RNF185: variants seen among roughly 807,000 people sequenced by gnomAD.
The protein encoded by RNF185 is ring finger protein 185.
A neutral mutation model predicts 24.9 loss-of-function variants in RNF185; 13 were observed. That is an observed-to-expected ratio of 0.52 (90% CI 0.34 to 0.83). RNF185 has a LOEUF of 0.83. RNF185 is among the 40% of genes least tolerant of loss of function. The probability of loss-of-function intolerance (pLI) is 0.01; values close to 1 mark genes in which losing one functional copy is unlikely to be tolerated. For missense variants in RNF185, 184 were observed against 244.7 expected (o/e 0.75, Z 1.65); for synonymous variants, 79 against 90.3 (o/e 0.88, Z 0.71).
intron 3 of RNF185, among the ~76,000 whole-genome samples, chr22:31,193,637 T>G (rs1345230669): frequency 1.3e-5 from 2 of 151,462 alleles, no homozygotes; most frequent in Non-Finnish European, 2.9e-5. Context: ...CTACAAAAAA[T>G]ATAAAAATTA....
chr22:31,193,166 C>T (rs1222624761), intron 3 of RNF185, among the ~76,000 whole-genome samples: 2 of 152,168 alleles, frequency 1.3e-5, no homozygotes, highest in African/African-American at 4.8e-5. Flanking sequence ...GCCTGGCATT[C>T]ACAAGTGGCT....
Position 31,189,135 on chromosome 22 carries a change from A to ATATGTGTGTGTGTGTGTGTGTGTGTGTG in RNF185, c.176+1866_176+1867insATGTGTGTGTGTGTGTGTGTGTGTGTGT, listed in dbSNP as rs368967009. Among the ~76,000 whole-genome samples, 16 of 136,870 alleles carry ATATGTGTGTGTGTGTGTGTGTGTGTGTG rather than the reference A, an allele frequency of 1.2e-4. 1 individual carries two copies. Among genetic ancestry groups the ATATGTGTGTGTGTGTGTGTGTGTGTGTG allele is most frequent in the Admixed American group, 8.2e-4 (11 of 13,378 alleles). 89.8% of individuals were successfully genotyped at this position (136,870 alleles called of 152,430 possible). On this transcript the variant is annotated intron_variant, in intron 2 of 6. Transcript: ENST00000326132. ...AGCAAGACTCTGTCTCAAAAAAAAAATGTGTGTGTGTGTGTGTGTGTGTGT... is the reference window on the plus strand; with the variant it reads ...AGCAAGACTCTGTCTCAAAAAAAAAATATGTGTGTGTGTGTGTGTGTGTGTGTGTGTGTGTGTGTGTGTGTGTGTGTGT...
intron 6 of RNF185, among the ~76,000 whole-genome samples, chr22:31,202,816 G>A (rs140411126): frequency 0.01 from 1,526 of 152,118 alleles, 87 homozygotes; most frequent in Admixed American, 0.089. Context: ...GGGTTTCACT[G>A]TGTTAGCCAG....
Position 31,206,686 on chromosome 22 carries a change from G to T in RNF185, c.*2100G>T, listed in dbSNP as rs562793317. 2 of 152,258 alleles carry T rather than the reference G, an allele frequency of 1.3e-5. No individual in the cohort carries two copies. Among genetic ancestry groups the T allele is most frequent in the East Asian group, 3.9e-4 (2 of 5,192 alleles). The allele number at this position is 152,258 out of a possible 1,614,324, so 9.4% of individuals were successfully genotyped here. A position where few individuals can be genotyped will look rare whatever the true frequency, so the allele number is the denominator to read the frequency against. Reference sequence around the variant, plus strand: ...CAAATGCCATTTGATTTTGAACCTCGTAGGTCCCCACTCACCCTCTGCCAG... The same window carrying T: ...CAAATGCCATTTGATTTTGAACCTCTTAGGTCCCCACTCACCCTCTGCCAG... On this transcript the variant is annotated 3_prime_UTR_variant, in exon 7 of 7. Transcript: ENST00000326132.
chr22:31,163,383 A>G (rs982433470), intron 1 of RNF185, among the ~76,000 whole-genome samples: 3 of 151,696 alleles, frequency 2.0e-5, no homozygotes, highest in Non-Finnish European at 2.9e-5. Flanking sequence ...GCTGGAGTGC[A>G]GTGGCACGAA....
chr22:31,192,792 A>G lies in RNF185; in HGVS notation c.195+90A>G, dbSNP rs374241389. On this transcript the variant is annotated intron_variant, in intron 3 of 6. Coordinates refer to ENST00000326132, the MANE Select transcript of RNF185 (RefSeq NM_152267.4). ...CAGGAGACTGCTTTCAGAAGCTGCA[A>G]TCTGCCCTGCTTGTGGGCTCATTTG... is the stretch of plus-strand genomic sequence containing the variant. 227 of 1,226,682 alleles carry G rather than the reference A, an allele frequency of 1.9e-4. No homozygotes were observed. The African/African-American group carries it at 2.2e-3, about 12-fold the overall frequency. The allele number at this position is 1,226,682 out of a possible 1,614,324, so 76.0% of individuals were successfully genotyped here.
chr22:31,172,678 A>C (rs1037397759), intron 1 of RNF185, among the ~76,000 whole-genome samples: 2 of 147,678 alleles, frequency 1.4e-5, no homozygotes, highest in Admixed American at 1.4e-4. Flanking sequence ...GAACCCAGGA[A>C]GCAGAGGTTG....
At chr22:31,195,940 G>A (rs1170564839) in intron 4 of RNF185, among the ~76,000 whole-genome samples, 5 of 152,170 alleles carry the variant, frequency 3.3e-5, no homozygotes, top group Non-Finnish European at 7.4e-5. Context: ...GTGACTTTGT[G>A]GAGTTTGGGA....
At chr22:31,200,419 C>A (rs765882688) in intron 5 of RNF185, among the ~76,000 whole-genome samples, 6 of 152,170 alleles carry the variant, frequency 3.9e-5, no homozygotes, top group Non-Finnish European at 7.3e-5. Flanking sequence ...AGTTTTAGAT[C>A]TAAACTGTAC....
At chr22:31,172,017 G>C (rs1016072565) in intron 1 of RNF185, among the ~76,000 whole-genome samples, 1 of 151,994 alleles carries the variant, frequency 6.6e-6, no homozygotes, top group African/African-American at 2.4e-5. Context: ...AGTATATACC[G>C]GGTATTAAAA....
At chr22:31,169,934 G>A (rs1308086715) in intron 1 of RNF185, among the ~76,000 whole-genome samples, 3 of 152,272 alleles carry the variant, frequency 2.0e-5, no homozygotes, top group East Asian at 1.9e-4. Flanking sequence ...CAAAGCTCCC[G>A]AGTGTTGGAT....
intron 4 of RNF185, 137 bp from the exon 5 acceptor site, chr22:31,196,799 T>G: frequency 2.7e-6 from 3 of 1,125,290 alleles, no homozygotes; most frequent in Non-Finnish European, 3.7e-6. Context: ...ATTTGGAGAA[T>G]TAATCTGGCA....
intron 3 of RNF185, among the ~76,000 whole-genome samples, chr22:31,193,949 A>G (rs965590357): frequency 6.7e-6 from 1 of 150,324 alleles, no homozygotes; most frequent in Non-Finnish European, 1.5e-5. Flanking sequence ...CTAGAGTGCA[A>G]TGGTGAGATC....
chr22:31,184,137 A>G (rs1211416251), intron 1 of RNF185, among the ~76,000 whole-genome samples: 1 of 151,240 alleles, frequency 6.6e-6, no homozygotes, highest in African/African-American at 2.4e-5. Flanking sequence ...GCTGCCGGGC[A>G]GAGACGCTCC....
At chr22:31,176,706 T>A (rs908088600) in intron 1 of RNF185, among the ~76,000 whole-genome samples, 5 of 152,080 alleles carry the variant, frequency 3.3e-5, no homozygotes, top group Admixed American at 2.0e-4. Context: ...GCCAGGATGG[T>A]CTCGATCTCC....
In RNF185 at chr22:31,187,032, T is replaced by TTCTC; in HGVS notation, c.-48-13_-48-10dup. 6.5e-7 allele frequency: 1 copy of TTCTC among 1,535,392 alleles called. No individual in the cohort carries two copies. Among genetic ancestry groups the TTCTC allele is most frequent in the Non-Finnish European group, 8.8e-7 (1 of 1,137,758 alleles). ...GGCTGCAGAAATGGACAGTCAAGAGTTCTCTGCCTTTTAGGATTTCCCTGG... is the reference window on the plus strand; with the variant it reads ...GGCTGCAGAAATGGACAGTCAAGAGTTCTCTCTCTGCCTTTTAGGATTTCCCTGG... On this transcript the variant is annotated splice_polypyrimidine_tract_variant and intron_variant, in intron 1 of 6. Coordinates refer to ENST00000326132, the MANE Select transcript of RNF185 (RefSeq NM_152267.4).
intron 1 of RNF185, among the ~76,000 whole-genome samples, chr22:31,162,521 C>T (rs1032368407): frequency 6.6e-6 from 1 of 151,890 alleles, no homozygotes; most frequent in African/African-American, 2.4e-5. Context: ...TGTGTAATAC[C>T]ACATTAAAAC....
chr22:31,200,273 C>T lies in RNF185; in HGVS notation c.364-1225C>T, dbSNP rs141067819. On this transcript the variant is annotated intron_variant, in intron 5 of 6. Coordinates refer to ENST00000326132, the MANE Select transcript of RNF185 (RefSeq NM_152267.4). Reference sequence around the variant, plus strand: ...TCAAGAGGCTGAGATGGGAGCATTGCTTGAGCCTGGGAGGTTGAGTCTACA... The same window carrying T: ...TCAAGAGGCTGAGATGGGAGCATTGTTTGAGCCTGGGAGGTTGAGTCTACA... Among the ~76,000 whole-genome samples the T allele has an allele frequency of 1.4e-3, 214 of 152,228 alleles. 1 individual carries two copies. The highest frequency in any genetic ancestry group is 5.0e-3 in the African/African-American group (207 of 41,534).
chr22:31,201,448 G>A lies in RNF185; in HGVS notation c.364-50G>A, dbSNP rs113524390. On this transcript the variant is annotated intron_variant, in intron 5 of 6. Coordinates refer to ENST00000326132, the MANE Select transcript of RNF185 (RefSeq NM_152267.4). Reference sequence around the variant, plus strand: ...GGTATGTTGAGTTTTGACAGGCACAGGAGAAACCTGCCTGATTCTCCTGCC... The same window carrying A: ...GGTATGTTGAGTTTTGACAGGCACAAGAGAAACCTGCCTGATTCTCCTGCC... 3,341 of 1,389,028 alleles carry A rather than the reference G, an allele frequency of 2.4e-3. 61 individuals are homozygous for A. In the African/African-American group the frequency reaches 0.039, roughly 16 times the overall value. 86.0% of individuals were successfully genotyped at this position (1,389,028 alleles called of 1,614,324 possible).
Sources: gnomAD v4.1 joint callset for allele counts (sites outside exome capture counted in the v4.1 genomes callset) on GRCh38, gnomAD v4.1.1 for gene constraint, MANE v1.5 for transcripts, NCBI Gene and HGNC (gene_info 2026-07-23, HGNC 2026-07-21) for gene names.